MGA: variants seen among roughly 807,000 people sequenced by gnomAD.
MGA encodes the protein MAX dimerization protein MGA.
A neutral mutation model predicts 261.1 loss-of-function variants in MGA; 40 were observed. The ratio of observed to expected loss-of-function variants is 0.15; its 90% CI spans 0.12 to 0.20. The LOEUF (loss-of-function observed/expected upper bound fraction) is 0.20, where lower values mean the gene tolerates loss of function less well. Ranked by LOEUF, MGA falls within the 10% of genes least tolerant of loss-of-function variation. The pLI is 1.00. For missense variants in MGA, 3,397 were observed against 3,630.5 expected (o/e 0.94, Z 1.65); for synonymous variants, 1,302 against 1,290.6 (o/e 1.01, Z -0.19).
chr15:41,686,636 A>C (rs1012973400), intron 2 of MGA, among the ~76,000 whole-genome samples: 1 of 151,960 alleles, frequency 6.6e-6, no homozygotes, highest in Non-Finnish European at 1.5e-5. Context: ...AGTGCTCTTT[A>C]TCATGTTGAA....
At chr15:41,639,526 T>TA (rs1050144606) in intron 1 of MGA, among the ~76,000 whole-genome samples, 4 of 148,482 alleles carry the variant, frequency 2.7e-5, no homozygotes, top group African/African-American at 9.8e-5. Flanking sequence ...TTTTTTTTTT[T>TA]AAATTAATTA....
intron 5 of MGA, among the ~76,000 whole-genome samples, chr15:41,705,811 A>G (rs906000635): frequency 6.6e-6 from 1 of 152,244 alleles, no homozygotes; most frequent in East Asian, 1.9e-4. Flanking sequence ...TACAATTAAA[A>G]AGTAGTAAAG....
intron 2 of MGA, among the ~76,000 whole-genome samples, chr15:41,677,519 C>T (rs1209069438): frequency 3.3e-5 from 5 of 152,184 alleles, no homozygotes; most frequent in Middle Eastern, 3.4e-3. Flanking sequence ...TTTGAGGAAC[C>T]GCAATACTGT....
At chr15:41,721,332 A>T (rs2060927942) in intron 9 of MGA, among the ~76,000 whole-genome samples, 2 of 151,954 alleles carry the variant, frequency 1.3e-5, no homozygotes, top group Admixed American at 1.3e-4. Flanking sequence ...GCCAGGTGTG[A>T]TAGGGTGTGC....
At chr15:41,753,344 G>A (rs940081662) in intron 17 of MGA, among the ~76,000 whole-genome samples, 1 of 151,788 alleles carries the variant, frequency 6.6e-6, no homozygotes, top group Non-Finnish European at 1.5e-5. Flanking sequence ...CCGGGAGGTG[G>A]GCTCATTTAC....
chr15:41,715,137 C>CTTTTTTTTTT (rs766195852), intron 9 of MGA, among the ~76,000 whole-genome samples: 324 of 124,394 alleles, frequency 2.6e-3, no homozygotes, highest in Non-Finnish European at 4.1e-3. Flanking sequence ...TGGTTTCTGT[C>CTTTTTTTTTT]TTTTTTTTTT....
At chr15:41,649,298 T>C (rs2056993280) in intron 1 of MGA, among the ~76,000 whole-genome samples, 1 of 151,634 alleles carries the variant, frequency 6.6e-6, no homozygotes, top group South Asian at 2.1e-4. Flanking sequence ...AGAGAATCGC[T>C]TGAACCTGGG....
chr15:41,713,575 C>CCGGCCGGGCGCGGTGG, intron 9 of MGA, 79 bp downstream of exon 9: 1 of 1,396,262 alleles, frequency 7.2e-7, no homozygotes, highest in South Asian at 1.5e-5. Context: ...ATACAACCTA[C>CCGGCCGGGCGCGGTGG]CTTAATCCCG....
chr15:41,723,231 G>A (rs1486781943), intron 9 of MGA, among the ~76,000 whole-genome samples: 1 of 152,032 alleles, frequency 6.6e-6, no homozygotes, highest in Non-Finnish European at 1.5e-5. Context: ...ATTATAAGGG[G>A]AAATAAAGAG....
At chr15:41,633,254 A>G (rs533720426) in intron 1 of MGA, among the ~76,000 whole-genome samples, 3 of 152,140 alleles carry the variant, frequency 2.0e-5, no homozygotes, top group Non-Finnish European at 4.4e-5. Context: ...CCAGCCTGGT[A>G]GCCACCTGTT....
intron 19 of MGA, among the ~76,000 whole-genome samples, chr15:41,759,155 GT>G (rs1175388148): frequency 6.6e-6 from 1 of 152,128 alleles, no homozygotes; most frequent in East Asian, 1.9e-4. Flanking sequence ...TAGAATTCAA[GT>G]TGCTAAGGGA....
intron 1 of MGA, among the ~76,000 whole-genome samples, 200 bp downstream of exon 1, chr15:41,660,725 C>T (rs2057338057): frequency 6.6e-6 from 1 of 152,212 alleles, no homozygotes; most frequent in Non-Finnish European, 1.5e-5. Flanking sequence ...GCGCATGTCA[C>T]CTCGCGCGCG....
chr15:41,684,039 TGTGTGC>T (rs2151130937), intron 2 of MGA, among the ~76,000 whole-genome samples: 1 of 152,336 alleles, frequency 6.6e-6, no homozygotes, highest in East Asian at 1.9e-4. Flanking sequence ...GGGTTCTTCC[TGTGTGC>T]ACCCTTATTG....
At chr15:41,668,570 A>G (rs528799814) in intron 1 of MGA, among the ~76,000 whole-genome samples, 27 of 152,274 alleles carry the variant, frequency 1.8e-4, no homozygotes, top group African/African-American at 6.3e-4. Flanking sequence ...AGATTATAGT[A>G]TTTATAGTGA....
At chr15:41,726,532 CAGCCTGG>C (rs1567039046) in intron 9 of MGA, among the ~76,000 whole-genome samples, 1 of 151,994 alleles carries the variant, frequency 6.6e-6, no homozygotes, top group Non-Finnish European at 1.5e-5. Flanking sequence ...AGTTCGAGAC[CAGCCTGG>C]CCAACATGAC....
At chr15:41,626,285 CTTTTTTT>C (rs35419067) in intron 1 of MGA, among the ~76,000 whole-genome samples, 1 of 137,880 alleles carries the variant, frequency 7.3e-6, no homozygotes, top group Admixed American at 7.3e-5. Flanking sequence ...CTATTTTCCT[CTTTTTTT>C]TTTTTTTTTG....
chr15:41,717,495 A>G (rs1257235022), intron 9 of MGA, among the ~76,000 whole-genome samples: 1 of 152,216 alleles, frequency 6.6e-6, no homozygotes, highest in Non-Finnish European at 1.5e-5. Context: ...AATATTATGA[A>G]CAACTTTATG....
chr15:41,670,331 G>A (rs2150958312), intron 2 of MGA, among the ~76,000 whole-genome samples: 1 of 152,128 alleles, frequency 6.6e-6, no homozygotes, highest in Non-Finnish European at 1.5e-5. Context: ...ACATAGATGA[G>A]CCTAGAGAAT....
At chr15:41,655,202 A>G (rs1277145935) in intron 1 of MGA, among the ~76,000 whole-genome samples, 2 of 144,946 alleles carry the variant, frequency 1.4e-5, no homozygotes, top group Admixed American at 6.9e-5. Flanking sequence ...TTTTTGAGAC[A>G]GAGTCTTGCT....
Sources: allele counts gnomAD v4.1 joint callset (sites outside exome capture counted in the v4.1 genomes callset), GRCh38; gene constraint gnomAD v4.1.1; transcripts MANE v1.5; gene names NCBI Gene and HGNC (gene_info 2026-07-23, HGNC 2026-07-21).